Variants in ECM1 observed in about 807,000 individuals in gnomAD.
ECM1 encodes the protein extracellular matrix protein 1, also known as secretory component p85.
Under a neutral mutation model 57.9 loss-of-function variants are expected in ECM1, and 54 were observed. That is an observed-to-expected ratio of 0.93 (90% CI 0.75 to 1.17). ECM1 has a LOEUF of 1.17. Among genes scored for constraint, ECM1 ranks in the 50% most tolerant of loss-of-function variants. The probability of loss-of-function intolerance (pLI) is 0.00; values close to 1 mark genes in which losing one functional copy is unlikely to be tolerated. For missense variants in ECM1, 649 were observed against 688.1 expected (o/e 0.94, Z 0.64); for synonymous variants, 237 against 259.1 (o/e 0.91, Z 0.82).
At position 150,513,268 on chromosome 1, in the gene ECM1, C is replaced by A. The variant is rs745748158; in HGVS notation, c.1424C>A (p.Pro475His). 259 of 1,614,072 alleles carry A rather than the reference C, an allele frequency of 1.6e-4. 1 individual carries two copies. The highest frequency in any genetic ancestry group is 2.2e-4 in the Non-Finnish European group (256 of 1,180,034). The change falls in exon 10 of 10, where the codon CCC (proline) becomes CAC (histidine). Residue 475 changes from proline to histidine, a missense_variant. By Grantham distance (77) the Pro-to-His change is moderately conservative. Transcript: ENST00000369047. ...ACCTTCATCAATGATCTGTGTGGTC[C>A]CCGACGTAACATCTGGCGAGACCCT... The part of the protein sequence containing the change: ...KLTFINDLCG[P>H]RRNIWRDPAL...
Position 150,511,050 on chromosome 1 carries a change from A to G in ECM1, c.560A>G (p.His187Arg), listed in dbSNP as rs935921657. The change falls in exon 6 of 10, where the codon CAT becomes CGT. Residue 187 changes from histidine to arginine, a missense_variant. His to Arg is a conservative substitution (Grantham distance 29). Coordinates refer to ENST00000369047, the MANE Select transcript of ECM1 (RefSeq NM_004425.4). The stretch of plus-strand genomic sequence containing the variant: ...CAAATCTGCCTTCCTAACCGTCAGC[A>G]TGTGGTATATGGTCCCTGGAACCTA... The part of the protein sequence containing the change: ...LNQICLPNRQ[H>R]VVYGPWNLPQ... 5.6e-6 allele frequency: 9 copies of G among 1,614,040 alleles called. No homozygotes were observed. Among genetic ancestry groups the G allele is most frequent in the Middle Eastern group, 1.6e-4 (1 of 6,084 alleles).
intron 1 of ECM1, chr1:150,509,245 G>C (rs1670364040): frequency 1.9e-6 from 1 of 522,096 alleles, no homozygotes; most frequent in Admixed American, 3.2e-5. Flanking sequence ...GGAAATGAGG[G>C]CCTCCCTCCC....
rs1044007682 is a variant in ECM1, at chr1:150,512,571, C to A, written c.1303C>A (p.His435Asn). The change falls in exon 8 of 10, where the codon CAT becomes AAT. Residue 435 changes from histidine (H) to asparagine (N), a missense_variant and splice_region_variant. His to Asn is a moderately conservative substitution (Grantham distance 68). Transcript: ENST00000369047. ...TGGAAACCAAAGAGTTCTCACCAAG[C>A]AGTAAGTTGCCTAGTCCTTCCCCAC... ...LCGNQRVLTK[H>N]KHIPGLIHNM... 5 of 1,612,862 alleles carry A rather than the reference C, an allele frequency of 3.1e-6. No homozygotes were observed. The highest frequency in any genetic ancestry group is 1.4e-5 in the African/African-American group (1 of 73,862).
Position 150,513,361 on chromosome 1 carries a change from A to G in ECM1, c.1517A>G (p.Asn506Ser), listed in dbSNP as rs753378589. Residue 506 changes from asparagine (N) to serine (S), a missense_variant, in exon 10 of 10, where the codon AAC (asparagine) becomes AGC (serine). By Grantham distance (46) the Asn-to-Ser change is conservative. Transcript: ENST00000369047. ...VNCFNINYLR[N>S]VALVSGDTEN... The stretch of plus-strand genomic sequence containing the variant: ...TGCTTCAACATCAATTATCTGAGGA[A>G]CGTGGCTCTAGTGTCTGGAGACACT... 1.5e-5 allele frequency: 24 copies of G among 1,614,102 alleles called. No individual in the cohort carries two copies. The Admixed American group carries it at 4.0e-4, about 27-fold the overall frequency.
Position 150,509,666 on chromosome 1 carries a change from T to C in ECM1, c.127T>C (p.Tyr43His). ...LRPEHFQEVG[Y>H]AAPPSPPLSR... The stretch of plus-strand genomic sequence containing the variant: ...GTCTCCCCTCTTGCTTCTAGTTGGC[T>C]ACGCAGCTCCCCCCTCCCCACCCCT... Residue 43 changes from tyrosine (Y) to histidine (H), a missense_variant, in exon 3 of 10, where the codon TAC becomes CAC. Tyr to His is a moderately conservative substitution (Grantham distance 83, BLOSUM62 2). Coordinates refer to ENST00000369047, the MANE Select transcript of ECM1 (RefSeq NM_004425.4). The C allele has an allele frequency of 6.2e-7, 1 of 1,613,864 alleles. No homozygotes were observed.
At chr1:150,512,186 C>T (rs1469793577) in intron 7 of ECM1, among the ~76,000 whole-genome samples, 166 bp from the exon 8 acceptor site, 1 of 149,254 alleles carries the variant, frequency 6.7e-6, no homozygotes, top group Non-Finnish European at 1.5e-5. Flanking sequence ...TTCCCAAGCC[C>T]ACACATCAAC....
chr1:150,512,869 A>G, intron 9 of ECM1, 57 bp downstream of exon 9: 2 of 1,561,950 alleles, frequency 1.3e-6, no homozygotes, highest in Non-Finnish European at 1.8e-6. Flanking sequence ...GGAAAGAGCT[A>G]GAACTGCAGG....
rs587647810 is a variant in ECM1, at chr1:150,509,497, C to G, written c.71-34C>G. On this transcript the variant is annotated intron_variant, in intron 1 of 9. Transcript: ENST00000369047. The stretch of plus-strand genomic sequence containing the variant: ...TTGCTGAAGTCCAGGGAAGGCCCTC[C>G]CAGTGGCCCCTGACTTGCCCTTCTT... The G allele has an allele frequency of 5.6e-6, 9 of 1,613,746 alleles. No individual in the cohort carries two copies. The Admixed American group carries it at 1.5e-4, about 27-fold the overall frequency.
At position 150,512,548 on chromosome 1, in the gene ECM1, G is replaced by A. The variant is rs778150467; in HGVS notation, c.1280G>A (p.Gly427Glu). The A allele has an allele frequency of 1.3e-5, 21 of 1,613,526 alleles. 1 individual carries two copies. The South Asian group carries it at 2.1e-4, about 16-fold the overall frequency. Residue 427 changes from glycine to glutamate, a missense_variant, in exon 8 of 10, where the codon GGA becomes GAA. Transcript: ENST00000369047. ...VTPNLMGHLC[G>E]NQRVLTKHKH... ...CCCAACCTCATGGGCCACCTCTGTGGAAACCAAAGAGTTCTCACCAAGCAG... is the reference window on the plus strand; with the variant it reads ...CCCAACCTCATGGGCCACCTCTGTGAAAACCAAAGAGTTCTCACCAAGCAG...
In ECM1 at chr1:150,511,032, G is replaced by A; in HGVS notation, c.542G>A (p.Cys181Tyr). 1 of 1,614,140 alleles carries A rather than the reference G, an allele frequency of 6.2e-7. No individual in the cohort carries two copies. Among genetic ancestry groups the A allele is most frequent in the Non-Finnish European group, 8.5e-7 (1 of 1,180,024 alleles). Residue 181 changes from cysteine to tyrosine, a missense_variant, in exon 6 of 10, where the codon TGC becomes TAC. Coordinates refer to ENST00000369047, the MANE Select transcript of ECM1 (RefSeq NM_004425.4). ...TCTCCAGACAATCTGAACCAAATCTGCCTTCCTAACCGTCAGCATGTGGTA... is the reference window on the plus strand; with the variant it reads ...TCTCCAGACAATCTGAACCAAATCTACCTTCCTAACCGTCAGCATGTGGTA... ...RPSPDNLNQI[C>Y]LPNRQHVVYG... is the part of the protein sequence containing the mutation.
rs1317846994 is a variant in ECM1 at position 150,513,007 on chromosome 1, T to TA, written c.1392+196dup. Among the ~76,000 whole-genome samples, 3 of 152,190 alleles carry TA rather than the reference T, an allele frequency of 2.0e-5. 1 individual carries two copies. Among genetic ancestry groups the TA allele is most frequent in the Admixed American group, 2.0e-4 (3 of 15,278 alleles). On this transcript the variant is annotated intron_variant, in intron 9 of 9. Transcript: ENST00000369047. Reference sequence around the variant, plus strand: ...CTGCTCCCCATCTCTAAGTTCCTATTATGCCTTCTCCGGGCCACAAGCTTC... The same window carrying TA: ...CTGCTCCCCATCTCTAAGTTCCTATTAATGCCTTCTCCGGGCCACAAGCTTC...
chr1:150,512,408 C>G lies in ECM1; in HGVS notation c.1140C>G (p.His380Gln). 2 of 1,613,568 alleles carry G rather than the reference C, an allele frequency of 1.2e-6. No individual in the cohort carries two copies. Among genetic ancestry groups the G allele is most frequent in the African/African-American group, 2.7e-5 (2 of 74,822 alleles). Residue 380 changes from histidine to glutamine, a missense_variant, in exon 8 of 10, where the codon CAC (histidine) becomes CAG (glutamine). By Grantham distance (24) the His-to-Gln change is conservative. Coordinates refer to ENST00000369047, the MANE Select transcript of ECM1 (RefSeq NM_004425.4). ...CDREYAVKTH[H>Q]HLCCRHPPSP... is the part of the protein sequence containing the mutation. ...GGGAGTATGCTGTGAAGACCCACCACCACTTGTGTTGCCGCCACCCTCCCA... is the reference window on the plus strand; with the variant it reads ...GGGAGTATGCTGTGAAGACCCACCAGCACTTGTGTTGCCGCCACCCTCCCA...
At chr1:150,508,415 G>T in intron 1 of ECM1, 136 bp downstream of exon 1, 4 of 883,158 alleles carry the variant, frequency 4.5e-6, no homozygotes, top group East Asian at 2.5e-5. Context: ...GCCCAAAGTG[G>T]GCCTAGGCCA....
intron 5 of ECM1, chr1:150,510,599 C>T (rs1670409213): frequency 1.7e-6 from 1 of 575,650 alleles, no homozygotes; most frequent in South Asian, 2.0e-5. Flanking sequence ...CATCCTCCTG[C>T]CTTAGTGCTC....
In ECM1 at chr1:150,513,449, T is replaced by C. The variant is rs2101443437; in HGVS notation, c.1605T>C (p.Ser535=). Reference sequence around the variant, plus strand: ...GAGGAACAAATATCAGCTCCACCTCTGAGCCCAAGGAAGAATGAGTCACCC... The same window carrying C: ...GAGGAACAAATATCAGCTCCACCTCCGAGCCCAAGGAAGAATGAGTCACCC... The part of the protein sequence containing the change: ...STGGTNISST[S]EPKEE Residue 535 remains serine, a synonymous_variant, in exon 10 of 10, where the codon TCT becomes TCC. Coordinates refer to ENST00000369047, the MANE Select transcript of ECM1 (RefSeq NM_004425.4). 4 of 1,613,386 alleles carry C rather than the reference T, an allele frequency of 2.5e-6. No individual in the cohort carries two copies. Among genetic ancestry groups the C allele is most frequent in the Non-Finnish European group, 3.4e-6 (4 of 1,179,982 alleles).
chr1:150,509,494 C>T (rs1449522554), intron 1 of ECM1, 37 bp from the exon 2 acceptor site: 2 of 1,613,618 alleles, frequency 1.2e-6, no homozygotes, highest in Non-Finnish European at 1.7e-6. Flanking sequence ...AGGGAAGGCC[C>T]TCCCAGTGGC....
chr1:150,512,291 G>A lies in ECM1; in HGVS notation c.1084-61G>A, dbSNP rs1175750940. The A allele has an allele frequency of 3.6e-5, 56 of 1,576,028 alleles. No individual in the cohort carries two copies. In the East Asian group the frequency reaches 7.9e-4, roughly 22 times the overall value. On this transcript the variant is annotated intron_variant, in intron 7 of 9. Coordinates refer to ENST00000369047, the MANE Select transcript of ECM1 (RefSeq NM_004425.4). ...GTTGCCAGGGACGATAAGGGAAGTCGATGGTCAGGAGAGAAGGGGCCAAGT... is the reference window on the plus strand; with the variant it reads ...GTTGCCAGGGACGATAAGGGAAGTCAATGGTCAGGAGAGAAGGGGCCAAGT...
Position 150,509,676 on chromosome 1 carries a change from C to T in ECM1, c.137C>T (p.Pro46Leu), listed in dbSNP as rs770497467. The change falls in exon 3 of 10, where the codon CCC becomes CTC. Residue 46 changes from proline (P) to leucine (L), a missense_variant. By Grantham distance (98) the Pro-to-Leu change is moderately conservative. Coordinates refer to ENST00000369047, the MANE Select transcript of ECM1 (RefSeq NM_004425.4). ...EHFQEVGYAA[P>L]PSPPLSRSLP... ...TTGCTTCTAGTTGGCTACGCAGCTC[C>T]CCCCTCCCCACCCCTATCCCGAAGC... 5.0e-6 allele frequency: 8 copies of T among 1,613,314 alleles called. No individual in the cohort carries two copies. Among genetic ancestry groups the T allele is most frequent in the Middle Eastern group, 1.7e-4 (1 of 6,058 alleles).
At chr1:150,510,079 G>A (rs917547188) in intron 4 of ECM1, 23 bp from the exon 5 acceptor site, 22 of 1,613,720 alleles carry the variant, frequency 1.4e-5, no homozygotes, top group Non-Finnish European at 1.5e-5. Context: ...CTGCTCCTTG[G>A]TGCCCTCACC....
Sources: allele counts gnomAD v4.1 joint callset (sites outside exome capture counted in the v4.1 genomes callset), GRCh38; gene constraint gnomAD v4.1.1; transcripts MANE v1.5; gene names NCBI Gene and HGNC (gene_info 2026-07-23, HGNC 2026-07-21).